MYH11: variants seen among roughly 807,000 people sequenced by gnomAD.
MYH11 encodes the protein myosin-11.
Under a neutral mutation model 246.6 loss-of-function variants are expected in MYH11, and 80 were observed. That is an observed-to-expected ratio of 0.32 (90% CI 0.27 to 0.39). MYH11 has a LOEUF of 0.39. MYH11 is among the 10% of genes least tolerant of loss of function. The pLI, the probability that MYH11 is intolerant of heterozygous loss-of-function variation, is 1.00. For missense variants in MYH11, 2,158 were observed against 2,546.8 expected (o/e 0.85, Z 3.29); for synonymous variants, 1,071 against 1,015.5 (o/e 1.05, Z -1.04).
intron 19 of MYH11, 38 bp from the exon 20 acceptor site, chr16:15,745,275 G>A: frequency 7.0e-7 from 1 of 1,427,236 alleles, no homozygotes; most frequent in Non-Finnish European, 9.9e-7. Flanking sequence ...GGGTCATGAA[G>A]CCACACCCTG....
chr16:15,812,822 G>A (rs111857852), intron 3 of MYH11, among the ~76,000 whole-genome samples: 313 of 152,038 alleles, frequency 2.1e-3, no homozygotes, highest in African/African-American at 7.1e-3. Flanking sequence ...GCAGTGAGCC[G>A]TGTTTGTGCC....
chr16:15,749,987 TG>T, intron 16 of MYH11, 150 bp downstream of exon 16: 1 of 958,958 alleles, frequency 1.0e-6, no homozygotes, highest in Non-Finnish European at 1.6e-6. Context: ...CCTCCAGGGA[TG>T]GGGAATGGGT....
chr16:15,721,088 C>T (rs780691490), intron 32 of MYH11, 37 bp from the exon 33 acceptor site: 1 of 1,603,342 alleles, frequency 6.2e-7, no homozygotes, highest in Non-Finnish European at 8.5e-7. Context: ...CTATGAGGCT[C>T]AACTTCATGA....
chr16:15,704,053 C>G lies in MYH11; in HGVS notation c.5857G>C (p.Gly1953Arg), dbSNP rs776407200. 6.2e-7 allele frequency: 1 copy of G among 1,614,128 alleles called. No homozygotes were observed. The highest frequency in any genetic ancestry group is 8.5e-7 in the Non-Finnish European group (1 of 1,180,022). ...CGAGTGTCCGTTTCCTCCTCAGAAC[C>G]ATCTGCATTTTCAATAACTCTACGT... The part of the protein sequence containing the change: ...GGRRVIENAD[G>R]SEEETDTRDA... The change falls in exon 41 of 41, where the codon GGT becomes CGT. Residue 1953 changes from glycine (G) to arginine (R), a missense_variant. Physicochemically the swap from Gly to Arg is moderately radical, Grantham distance 125 (BLOSUM62 -2). Coordinates refer to ENST00000300036, the MANE Select transcript of MYH11 (RefSeq NM_002474.3).
intron 14 of MYH11, 99 bp downstream of exon 14, chr16:15,756,242 C>A (rs559032362): frequency 1.2e-4 from 167 of 1,384,576 alleles, no homozygotes; most frequent in Non-Finnish European, 1.5e-4. Context: ...TTTGCAGTTT[C>A]CAGGCAGCCC....
At chr16:15,838,328 A>C in intron 1 of MYH11, 59 bp from the exon 2 acceptor site, 1 of 1,379,684 alleles carries the variant, frequency 7.2e-7, no homozygotes. Flanking sequence ...AAGACAGACC[A>C]ACCACTCACC....
intron 3 of MYH11, among the ~76,000 whole-genome samples, chr16:15,802,249 AGG>A (rs2042905701): frequency 1.3e-5 from 2 of 152,360 alleles, no homozygotes; most frequent in Non-Finnish European, 2.9e-5. Context: ...ACTGCACTGC[AGG>A]CGTATGCTGA....
chr16:15,851,245 A>G (rs2044321174), intron 1 of MYH11, among the ~76,000 whole-genome samples: 1 of 152,144 alleles, frequency 6.6e-6, no homozygotes, highest in African/African-American at 2.4e-5. Context: ...CTCTAAATGC[A>G]CCTGCTTGGC....
intron 19 of MYH11, among the ~76,000 whole-genome samples, chr16:15,745,439 G>C (rs1389770658): frequency 2.0e-5 from 3 of 152,100 alleles, no homozygotes; most frequent in Non-Finnish European, 2.9e-5. Flanking sequence ...CTTTTTCAGT[G>C]GACAAGGAAG....
intron 1 of MYH11, among the ~76,000 whole-genome samples, chr16:15,842,204 T>A (rs768087756): frequency 1.9e-4 from 29 of 152,038 alleles, no homozygotes; most frequent in Non-Finnish European, 3.5e-4. Context: ...CTGGCCAACA[T>A]GTGAAACCCC....
intron 40 of MYH11, among the ~76,000 whole-genome samples, chr16:15,707,809 T>A: frequency 6.6e-6 from 1 of 151,986 alleles, no homozygotes; most frequent in Admixed American, 6.6e-5. Context: ...CTGTCTCTAA[T>A]AAAAATACAA....
At chr16:15,849,232 A>G (rs1196696781) in intron 1 of MYH11, among the ~76,000 whole-genome samples, 2 of 152,070 alleles carry the variant, frequency 1.3e-5, no homozygotes, top group South Asian at 2.1e-4. Context: ...GGGTCTTGCT[A>G]TTTTGCCTAG....
chr16:15,847,141 T>C (rs1353436683), intron 1 of MYH11, among the ~76,000 whole-genome samples: 6 of 152,124 alleles, frequency 3.9e-5, no homozygotes, highest in African/African-American at 1.4e-4. Flanking sequence ...ATTGATATTC[T>C]TGTGCAATAA....
intron 2 of MYH11, among the ~76,000 whole-genome samples, chr16:15,824,028 C>T (rs1028345029): frequency 1.3e-5 from 2 of 152,250 alleles, no homozygotes; most frequent in South Asian, 2.1e-4. Context: ...TAACAGCCAC[C>T]GTTCATTGAG....
chr16:15,779,131 A>T (rs575443893), intron 6 of MYH11: 1 of 526,406 alleles, frequency 1.9e-6, no homozygotes, highest in East Asian at 3.5e-5. Flanking sequence ...ATTTAAAAAA[A>T]CTTATTTATT....
chr16:15,750,407 C>T lies in MYH11; in HGVS notation c.1865-76G>A. On this transcript the variant is annotated intron_variant, in intron 15 of 40. Coordinates refer to ENST00000300036, the MANE Select transcript of MYH11 (RefSeq NM_002474.3). This position sits in a 1 kb window ranked among gnomAD's most constrained non-coding sequence, Gnocchi z 4.3. ...ATAGGCCAGAGGCTCAGCCCCAGCC[C>T]CACCCACCAACCTGCCCACTCCAAT... The T allele has an allele frequency of 7.0e-7, 1 of 1,425,132 alleles. No homozygotes were observed. The highest frequency in any genetic ancestry group is 9.6e-7 in the Non-Finnish European group (1 of 1,044,880). The allele number at this position is 1,425,132 out of a possible 1,614,324, so 88.3% of individuals were successfully genotyped here.
Position 15,783,548 on chromosome 16 carries a change from C to T in MYH11, c.634-1071G>A, listed in dbSNP as rs191314187. 50 of 152,336 alleles carry T rather than the reference C, an allele frequency of 3.3e-4. No individual in the cohort carries two copies. The Middle Eastern group carries it at 0.01, about 31-fold the overall frequency. 9.4% of individuals were successfully genotyped at this position (152,336 alleles called of 1,614,324 possible). A position where few individuals can be genotyped will look rare whatever the true frequency, so the allele number is the denominator to read the frequency against. On this transcript the variant is annotated intron_variant, in intron 5 of 40. Transcript: ENST00000300036. ...TCCCAGAGAAAGATGAAGCAAAAGC[C>T]TCATCCGCATACAAATCTCAGCTAC... is the stretch of plus-strand genomic sequence containing the variant.
intron 2 of MYH11, among the ~76,000 whole-genome samples, chr16:15,826,119 G>A (rs2043557855): frequency 6.6e-6 from 1 of 152,014 alleles, no homozygotes; most frequent in South Asian, 2.1e-4. Flanking sequence ...CCATCCAACA[G>A]AAACAGAAAC....
At chr16:15,755,386 T>C (rs1335890688) in intron 14 of MYH11, among the ~76,000 whole-genome samples, 1 of 152,140 alleles carries the variant, frequency 6.6e-6, no homozygotes, top group Non-Finnish European at 1.5e-5. Flanking sequence ...GACCGTGACA[T>C]GGGAGATTTT....
Sources: gnomAD v4.1 joint callset for allele counts (sites outside exome capture counted in the v4.1 genomes callset) on GRCh38, gnomAD v4.1.1 for gene constraint, Gnocchi (gnomAD v3.1) non-coding constraint, MANE v1.5 for transcripts, NCBI Gene and HGNC (gene_info 2026-07-23, HGNC 2026-07-21) for gene names.